The following MBD5 variants were observed in gnomAD, a reference collection of about 807,000 sequenced individuals.
MBD5 encodes the protein methyl-CpG-binding domain protein 5.
Under a neutral mutation model 117.3 loss-of-function variants are expected in MBD5, and 13 were observed. The ratio of observed to expected loss-of-function variants is 0.11; its 90% CI spans 0.07 to 0.18. The LOEUF is 0.18. Ranked by LOEUF, MBD5 falls within the 10% of genes least tolerant of loss-of-function variation. The pLI is 1.00. For synonymous variants in MBD5, 727 were observed against 766.4 expected, an observed-to-expected ratio of 0.95 and a Z score of 0.85; for missense variants, 1,879 against 2,093.8, an observed-to-expected ratio of 0.90 and a Z score of 2.00.
At chr2:148,374,580 G>A (rs1326631731) in intron 4 of MBD5, among the ~76,000 whole-genome samples, 5 of 152,106 alleles carry the variant, frequency 3.3e-5, no homozygotes, top group East Asian at 1.9e-4. Flanking sequence ...AAGGCCTAGC[G>A]CCTGTTGACC....
chr2:148,388,289 A>G (rs888077601), intron 4 of MBD5, among the ~76,000 whole-genome samples: 2 of 152,202 alleles, frequency 1.3e-5, no homozygotes, highest in Non-Finnish European at 2.9e-5. Context: ...GTTGGTTCCT[A>G]AGCACAGATA....
chr2:148,122,676 G>A (rs535607940), intron 1 of MBD5, among the ~76,000 whole-genome samples: 130 of 152,126 alleles, frequency 8.5e-4, no homozygotes, highest in African/African-American at 2.9e-3. Flanking sequence ...CGAAACTAAC[G>A]GATACCATTA....
At chr2:148,352,608 G>T (rs1703273427) in intron 4 of MBD5, among the ~76,000 whole-genome samples, 2 of 152,016 alleles carry the variant, frequency 1.3e-5, no homozygotes, top group South Asian at 4.2e-4. Flanking sequence ...TATTTTATGA[G>T]TAGAATCACA....
intron 1 of MBD5, among the ~76,000 whole-genome samples, chr2:148,106,447 TTA>T (rs1362658185): frequency 1.3e-5 from 2 of 152,048 alleles, no homozygotes; most frequent in East Asian, 1.9e-4. Flanking sequence ...ACTTTATACT[TTA>T]TGTTATGTAA....
At chr2:148,446,967 T>C (rs1350409364) in intron 4 of MBD5, among the ~76,000 whole-genome samples, 2 of 151,880 alleles carry the variant, frequency 1.3e-5, no homozygotes, top group Admixed American at 1.3e-4. Context: ...AAATGAGTAA[T>C]TGTACAATTA....
chr2:148,421,196 G>A (rs955939889), intron 4 of MBD5, among the ~76,000 whole-genome samples: 11 of 152,176 alleles, frequency 7.2e-5, no homozygotes, highest in Admixed American at 3.3e-4. Context: ...CATAAGGCAC[G>A]TGATTTCTGC....
At chr2:148,109,421 T>C (rs542741050) in intron 1 of MBD5, among the ~76,000 whole-genome samples, 1 of 152,334 alleles carries the variant, frequency 6.6e-6, no homozygotes, top group Non-Finnish European at 1.5e-5. Flanking sequence ...AACATAATTA[T>C]TTCATCATAA....
At chr2:148,401,038 C>T (rs1472092139) in intron 4 of MBD5, among the ~76,000 whole-genome samples, 1 of 152,130 alleles carries the variant, frequency 6.6e-6, no homozygotes, top group African/African-American at 2.4e-5. Flanking sequence ...TTTGAGATAT[C>T]ATCTAGCTCT....
At position 148,221,504 on chromosome 2, in the gene MBD5, C is replaced by G. The variant is rs535478259; in HGVS notation, c.-830-11741C>G. Among the ~76,000 whole-genome samples the G allele has an allele frequency of 3.7e-4, 57 of 152,250 alleles. No homozygotes were observed. In the South Asian group the frequency reaches 0.011, roughly 30 times the overall value. ...CATTGTAGTTTGGATTTGCATTTCTCTAATTATCAGTGATGTTGAGCACTT... is the reference window on the plus strand; with the variant it reads ...CATTGTAGTTTGGATTTGCATTTCTGTAATTATCAGTGATGTTGAGCACTT... On this transcript the variant is annotated intron_variant, in intron 2 of 13. Transcript: ENST00000642680.
intron 2 of MBD5, among the ~76,000 whole-genome samples, chr2:148,195,615 G>T (rs1166084702): frequency 6.6e-6 from 1 of 152,048 alleles, no homozygotes; most frequent in Non-Finnish European, 1.5e-5. Context: ...TTTTCACTGT[G>T]TATAGAACAT....
chr2:148,166,903 C>T (rs1036601747), intron 1 of MBD5, among the ~76,000 whole-genome samples: 3 of 151,880 alleles, frequency 2.0e-5, no homozygotes, highest in African/African-American at 7.3e-5. Flanking sequence ...ATTATGCTGG[C>T]TGAAGTGTTT....
intron 1 of MBD5, among the ~76,000 whole-genome samples, chr2:148,084,912 A>C (rs1695739537): frequency 6.6e-6 from 1 of 152,232 alleles, no homozygotes; most frequent in South Asian, 2.1e-4. Context: ...CGTAAACAAT[A>C]GAAGGTGGAG....
chr2:148,188,252 T>G (rs762387796), intron 2 of MBD5, among the ~76,000 whole-genome samples: 14 of 152,204 alleles, frequency 9.2e-5, no homozygotes, highest in Non-Finnish European at 1.8e-4. Flanking sequence ...TTAAGCTCAT[T>G]ATATTATTAG....
At chr2:148,253,223 A>C (rs1245195933) in intron 3 of MBD5, among the ~76,000 whole-genome samples, 1 of 152,204 alleles carries the variant, frequency 6.6e-6, no homozygotes, top group African/African-American at 2.4e-5. Context: ...AAATTGATAA[A>C]GAATTGAAAT....
intron 1 of MBD5, among the ~76,000 whole-genome samples, chr2:148,170,484 T>A (rs1698238965): frequency 6.6e-6 from 1 of 152,248 alleles, no homozygotes; most frequent in South Asian, 2.1e-4. Context: ...CATTGACTGT[T>A]TGATTTCTGT....
At chr2:148,085,338 C>A (rs1283633921) in intron 1 of MBD5, among the ~76,000 whole-genome samples, 5 of 152,178 alleles carry the variant, frequency 3.3e-5, no homozygotes, top group Admixed American at 2.0e-4. Flanking sequence ...ACATCCAAAA[C>A]AAGAGAAATT....
intron 11 of MBD5, among the ~76,000 whole-genome samples, chr2:148,496,247 C>G (rs1424160978): frequency 3.3e-5 from 5 of 151,988 alleles, no homozygotes; most frequent in African/African-American, 9.7e-5. Flanking sequence ...TGAAAGGGAG[C>G]AAAATAGTTT....
chr2:148,151,266 C>G (rs1229071732), intron 1 of MBD5, among the ~76,000 whole-genome samples: 4 of 151,908 alleles, frequency 2.6e-5, no homozygotes, highest in Admixed American at 6.6e-5. Context: ...ATATATTGAA[C>G]CAGCCTTGCA....
At chr2:148,092,724 G>T (rs563319563) in intron 1 of MBD5, among the ~76,000 whole-genome samples, 1 of 151,964 alleles carries the variant, frequency 6.6e-6, no homozygotes, top group Admixed American at 6.6e-5. Flanking sequence ...TACTGCTCAG[G>T]TGATAGGTTC....
Sources: gnomAD v4.1 joint callset for allele counts (sites outside exome capture counted in the v4.1 genomes callset) on GRCh38, gnomAD v4.1.1 for gene constraint, MANE v1.5 for transcripts, NCBI Gene and HGNC (gene_info 2026-07-23, HGNC 2026-07-21) for gene names.